Variants in HMCN2 observed in about 807,000 individuals in gnomAD.
The protein encoded by HMCN2 is hemicentin-2.
A neutral mutation model predicts 377.5 loss-of-function variants in HMCN2; 325 were observed. That is an observed-to-expected ratio of 0.86 (90% CI 0.79 to 0.94). HMCN2 has a LOEUF of 0.94. Ranked by LOEUF, HMCN2 falls within the 40% of genes least tolerant of loss-of-function variation. The probability of loss-of-function intolerance (pLI) is 0.00; values close to 1 mark genes in which losing one functional copy is unlikely to be tolerated. For missense variants in HMCN2, 4,543 were observed against 4,725.3 expected, an observed-to-expected ratio of 0.96 and a Z score of 1.13; for synonymous variants, 2,007 against 2,046.8, an observed-to-expected ratio of 0.98 and a Z score of 0.53.
chr9:130,408,139 A>G (rs182326580), intron 83 of HMCN2, among the ~76,000 whole-genome samples: 299 of 152,266 alleles, frequency 2.0e-3, no homozygotes, highest in African/African-American at 7.0e-3. Flanking sequence ...CTCGGTGACA[A>G]CGTGTCTTAG....
rs1414093604 is a variant in HMCN2, at chr9:130,395,930, G to A, written c.10918G>A (p.Ala3640Thr). 3.1e-6 allele frequency: 4 copies of A among 1,286,960 alleles called. No individual in the cohort carries two copies. The Admixed American group carries it at 6.9e-5, about 22-fold the overall frequency. 79.7% of individuals were successfully genotyped at this position (1,286,960 alleles called of 1,614,324 possible). Residue 3640 changes from alanine to threonine, a missense_variant, in exon 72 of 98, where the codon GCC (alanine) becomes ACC (threonine). Physicochemically the swap from Ala to Thr is moderately conservative, Grantham distance 58. Around this residue, in one of 5 missense-constraint regions of HMCN2, gnomAD observed 1,073 missense variants for 1,319.5 expected, o/e 0.81. Coordinates refer to ENST00000683500, the MANE Select transcript of HMCN2 (RefSeq NM_001291815.2). Reference protein sequence around the residue: ...HRDGIVLQEDAHTQFPERGRF... With the variant: ...HRDGIVLQEDTHTQFPERGRF... Reference sequence around the variant, plus strand: ...CCCTGGCGGGGCTCTCCAGGAGGACGCCCACACACAATTCCCGGAGCGGGG... The same window carrying A: ...CCCTGGCGGGGCTCTCCAGGAGGACACCCACACACAATTCCCGGAGCGGGG...
intron 15 of HMCN2, among the ~76,000 whole-genome samples, chr9:130,315,196 CCCCT>C (rs1837475618): frequency 1.6e-4 from 1 of 6,428 alleles, no homozygotes; most frequent in Non-Finnish European, 3.7e-4. Context: ...CTCCCTCCCT[CCCCT>C]CCCTCCCCTC....
intron 15 of HMCN2, among the ~76,000 whole-genome samples, chr9:130,318,823 CT>C (rs1837698053): frequency 6.6e-6 from 1 of 152,216 alleles, no homozygotes. Context: ...AGTTTTAATT[CT>C]GTCTGCTCTT....
chr9:130,335,790 C>A (rs1363198678), intron 22 of HMCN2, among the ~76,000 whole-genome samples: 3 of 152,132 alleles, frequency 2.0e-5, no homozygotes, highest in Non-Finnish European at 4.4e-5. Context: ...AGACCCGCAC[C>A]CATCTGCTCT....
At chr9:130,370,472 A>G (rs1012817720) in intron 45 of HMCN2, among the ~76,000 whole-genome samples, 3 of 152,150 alleles carry the variant, frequency 2.0e-5, no homozygotes, top group African/African-American at 7.2e-5. Flanking sequence ...GGCGCCCCTC[A>G]CTGTTGCTGG....
chr9:130,344,196 C>T (rs933775264), intron 25 of HMCN2, among the ~76,000 whole-genome samples: 16 of 152,132 alleles, frequency 1.1e-4, no homozygotes, highest in East Asian at 1.9e-4. Context: ...CCCGGCGTGG[C>T]GGGAAGTACA....
rs61415919 is a variant in HMCN2 at position 130,370,139 on chromosome 9, G to A, written c.7069+288G>A. On this transcript the variant is annotated intron_variant, in intron 45 of 97. Coordinates refer to ENST00000683500, the MANE Select transcript of HMCN2 (RefSeq NM_001291815.2). ...TCTGTTCTGGGCACTGGGAAAGTAA[G>A]CAGTCCCTGTCCTGCATGACTGGTA... Among the ~76,000 whole-genome samples, 184 of 152,290 alleles carry A rather than the reference G, an allele frequency of 1.2e-3. 2 individuals are homozygous for A. In the East Asian group the frequency reaches 0.034, roughly 28 times the overall value.
intron 1 of HMCN2, among the ~76,000 whole-genome samples, chr9:130,275,001 G>T (rs1834608413): frequency 6.6e-6 from 1 of 152,196 alleles, no homozygotes; most frequent in African/African-American, 2.4e-5. Flanking sequence ...AAGTATAGGA[G>T]CATTTTCCAT....
intron 12 of HMCN2, 60 bp downstream of exon 12, chr9:130,306,330 G>A (rs1477848780): frequency 1.7e-5 from 8 of 462,948 alleles, no homozygotes; most frequent in Non-Finnish European, 1.8e-5. Flanking sequence ...ACTCCCAGGG[G>A]ACCTCTCTGG....
intron 29 of HMCN2, among the ~76,000 whole-genome samples, chr9:130,349,989 C>A: frequency 6.8e-6 from 1 of 146,916 alleles, no homozygotes; most frequent in East Asian, 2.1e-4. Context: ...CCTCAAACTC[C>A]TGGGCTTCTT....
At chr9:130,332,425 T>G (rs1481364185) in intron 22 of HMCN2, among the ~76,000 whole-genome samples, 2 of 152,146 alleles carry the variant, frequency 1.3e-5, no homozygotes, top group Non-Finnish European at 2.9e-5. Flanking sequence ...GGTGTGGTAG[T>G]GGGTCTGCCT....
In HMCN2 at chr9:130,395,776, C is replaced by T. The variant is rs1179429766; in HGVS notation, c.10912-148C>T. The T allele has an allele frequency of 1.6e-5, 12 of 772,324 alleles. 1 individual carries two copies. The highest frequency in any genetic ancestry group is 1.3e-4 in the South Asian group (7 of 55,614). The allele number at this position is 772,324 out of a possible 1,614,324, so 47.8% of individuals were successfully genotyped here. A position where few individuals can be genotyped will look rare whatever the true frequency, so the allele number is the denominator to read the frequency against. On this transcript the variant is annotated intron_variant, in intron 71 of 97. Coordinates refer to ENST00000683500, the MANE Select transcript of HMCN2 (RefSeq NM_001291815.2). ...GTGCATTTCCTTAGAGGGTCCTCGGCGGGGCACAGTCAGGGCCTGCGGTCA... is the reference window on the plus strand; with the variant it reads ...GTGCATTTCCTTAGAGGGTCCTCGGTGGGGCACAGTCAGGGCCTGCGGTCA...
chr9:130,404,895 C>T lies in HMCN2; in HGVS notation c.12175C>T (p.Pro4059Ser). The T allele has an allele frequency of 7.8e-7, 1 of 1,281,536 alleles. No homozygotes were observed. The highest frequency in any genetic ancestry group is 1.3e-5 in the South Asian group (1 of 79,218). The allele number at this position is 1,281,536 out of a possible 1,614,324, so 79.4% of individuals were successfully genotyped here. A position where few individuals can be genotyped will look rare whatever the true frequency, so the allele number is the denominator to read the frequency against. Reference sequence around the variant, plus strand: ...CCCACCAGTGATCGAGAATGGCCTCCCAGACCTGTCCACCACCGAAGGCTC... The same window carrying T: ...CCCACCAGTGATCGAGAATGGCCTCTCAGACCTGTCCACCACCGAAGGCTC... ...QVPPVIENGL[P>S]DLSTTEGSHA... The change falls in exon 81 of 98, where the codon CCA (proline) becomes TCA (serine). Residue 4059 changes from proline to serine, a missense_variant. Physicochemically the swap from Pro to Ser is moderately conservative, Grantham distance 74 (BLOSUM62 -1). Transcript: ENST00000683500.
At chr9:130,396,656 C>T (rs962541860) in intron 73 of HMCN2, among the ~76,000 whole-genome samples, 17 of 152,148 alleles carry the variant, frequency 1.1e-4, no homozygotes, top group African/African-American at 3.9e-4. Flanking sequence ...CTGACAACCC[C>T]GTGGCCCCCA....
intron 22 of HMCN2, among the ~76,000 whole-genome samples, chr9:130,331,008 A>ACAC (rs1838396739): frequency 1.3e-3 from 72 of 53,680 alleles, no homozygotes; most frequent in Middle Eastern, 0.014. Flanking sequence ...CACACACACA[A>ACAC]ATAGCCGGAC....
In HMCN2 at chr9:130,433,529, C is replaced by T. The variant is rs1438026620; in HGVS notation, c.15076C>T (p.Arg5026Cys). ...GCTCAGCATGCTGGAGCCCGACCCC[C>T]GCAGCCCCTTCGCGCTGCGTCCGCT... ...TELSMLEPDP[R>C]SPFALRPLRA... The change falls in exon 98 of 98, where the codon CGC (arginine) becomes TGC (cysteine). Residue 5026 changes from arginine (R) to cysteine (C), a missense_variant. Coordinates refer to ENST00000683500, the MANE Select transcript of HMCN2 (RefSeq NM_001291815.2). 6.8e-7 allele frequency: 1 copy of T among 1,477,316 alleles called. No individual in the cohort carries two copies. 91.5% of individuals were successfully genotyped at this position (1,477,316 alleles called of 1,614,324 possible). A position where few individuals can be genotyped will look rare whatever the true frequency, so the allele number is the denominator to read the frequency against.
At position 130,313,842 on chromosome 9, in the gene HMCN2, C is replaced by T. The variant is rs983506681; in HGVS notation, c.2350+3781C>T. 2.5e-3 allele frequency among the ~76,000 whole-genome samples: 366 copies of T among 144,818 alleles called. 1 individual carries two copies. The highest frequency in any genetic ancestry group is 9.0e-3 in the African/African-American group (348 of 38,800). ...TCACCCAGACTGTAGTGCAGTGGCA[C>T]GATCTTGGCTCACTGTAACCTCTGC... On this transcript the variant is annotated intron_variant, in intron 15 of 97. Transcript: ENST00000683500.
At chr9:130,401,172 A>G (rs1357803783) in intron 77 of HMCN2, among the ~76,000 whole-genome samples, 2 of 152,214 alleles carry the variant, frequency 1.3e-5, no homozygotes, top group African/African-American at 4.8e-5. Flanking sequence ...GCCCTCTGGC[A>G]TACAAGTGCT....
chr9:130,296,690 G>A lies in HMCN2; in HGVS notation c.908G>A (p.Arg303His), dbSNP rs1390840446. Residue 303 changes from arginine to histidine, a missense_variant, in exon 7 of 98, where the codon CGC becomes CAC. By Grantham distance (29) the Arg-to-His change is conservative. Around this residue, in one of 5 missense-constraint regions of HMCN2, gnomAD observed 547 missense variants for 189.9 expected, o/e 2.88. Coordinates refer to ENST00000683500, the MANE Select transcript of HMCN2 (RefSeq NM_001291815.2). Reference sequence around the variant, plus strand: ...CTGCGCTAGGTCTATAGCAGTGGCCGCCATTCAGTGAGGATCACAGGCGTC... The same window carrying A: ...CTGCGCTAGGTCTATAGCAGTGGCCACCATTCAGTGAGGATCACAGGCGTC... ...LWSIKVYSSGRHSVRITGVSN... is the reference protein window; with the variant it reads ...LWSIKVYSSGHHSVRITGVSN... 2.1e-5 allele frequency: 10 copies of A among 470,944 alleles called. No homozygotes were observed. The highest frequency in any genetic ancestry group is 4.4e-5 in the Non-Finnish European group (10 of 227,048). 29.2% of individuals were successfully genotyped at this position (470,944 alleles called of 1,614,324 possible).
Sources: gnomAD v4.1 joint callset for allele counts (sites outside exome capture counted in the v4.1 genomes callset) on GRCh38, gnomAD v4.1.1 for gene constraint, gnomAD v4.1.1 regional missense constraint, MANE v1.5 for transcripts, NCBI Gene and HGNC (gene_info 2026-07-23, HGNC 2026-07-21) for gene names.